BCL3: variants seen among roughly 807,000 people sequenced by gnomAD.
BCL3 encodes the protein B-cell lymphoma 3 protein.
In BCL3, 15 loss-of-function variants were observed where a neutral mutation model predicts 35.7. The ratio of observed to expected loss-of-function variants is 0.42; its 90% CI spans 0.28 to 0.65. The LOEUF is 0.65. Ranked by LOEUF, BCL3 falls within the 30% of genes least tolerant of loss-of-function variation. The probability of loss-of-function intolerance (pLI) is 0.22; values close to 1 mark genes in which losing one functional copy is unlikely to be tolerated. For synonymous variants in BCL3, 311 were observed against 284.3 expected (o/e 1.09, Z -0.95); for missense variants, 565 against 641.7 (o/e 0.88, Z 1.29).
Position 44,752,497 on chromosome 19 carries a change from G to A in BCL3, c.410+1117G>A, listed in dbSNP as rs112090636. Among the ~76,000 whole-genome samples the A allele has an allele frequency of 1.1e-3, 168 of 151,968 alleles. 1 individual carries two copies. Among genetic ancestry groups the A allele is most frequent in the African/African-American group, 3.8e-3 (156 of 41,428 alleles). Reference sequence around the variant, plus strand: ...GCTGAGATTACAGATGTGAGCCACCGAGCCCAGCTTACAGCTTTACTTTGC... The same window carrying A: ...GCTGAGATTACAGATGTGAGCCACCAAGCCCAGCTTACAGCTTTACTTTGC... On this transcript the variant is annotated intron_variant, in intron 2 of 8. Transcript: ENST00000164227.
At chr19:44,758,563 C>T (rs1050458856) in intron 7 of BCL3, 150 bp downstream of exon 7, 16 of 1,291,484 alleles carry the variant, frequency 1.2e-5, no homozygotes, top group Admixed American at 8.9e-5. Context: ...GGTGTGAGTT[C>T]CAGAAATGAG....
chr19:44,758,241 C>T lies in BCL3; in HGVS notation c.892-5C>T. ...CCCTCCTGACCCGGCCCTCCCGTCC[C>T]GCAGCACGGCGCCAACGTGAACGCG... On this transcript the variant is annotated splice_polypyrimidine_tract_variant and splice_region_variant and intron_variant, in intron 6 of 8. Coordinates refer to ENST00000164227, the MANE Select transcript of BCL3 (RefSeq NM_005178.5). 1.4e-6 allele frequency: 2 copies of T among 1,480,956 alleles called. No individual in the cohort carries two copies. Among genetic ancestry groups the T allele is most frequent in the Non-Finnish European group, 1.8e-6 (2 of 1,125,514 alleles). The allele number at this position is 1,480,956 out of a possible 1,614,324, so 91.7% of individuals were successfully genotyped here.
intron 1 of BCL3, among the ~76,000 whole-genome samples, chr19:44,750,737 C>G (rs921818807): frequency 3.3e-5 from 5 of 152,044 alleles, no homozygotes; most frequent in African/African-American, 9.7e-5. Context: ...GGGGCAAGAT[C>G]GTGCCACTGC....
At chr19:44,756,560 C>G (rs1454716515) in intron 3 of BCL3, among the ~76,000 whole-genome samples, 2 of 131,590 alleles carry the variant, frequency 1.5e-5, no homozygotes, top group Non-Finnish European at 3.2e-5. Context: ...GTCCTGGGCT[C>G]CTGAGTCTGA....
Position 44,749,010 on chromosome 19 carries a change from C to A in BCL3, c.220C>A (p.His74Asn), listed in dbSNP as rs1400492942. 1.4e-6 allele frequency: 2 copies of A among 1,384,780 alleles called. No homozygotes were observed. Among genetic ancestry groups the A allele is most frequent in the Non-Finnish European group, 1.9e-6 (2 of 1,068,280 alleles). The allele number at this position is 1,384,780 out of a possible 1,614,324, so 85.8% of individuals were successfully genotyped here. ...CDLPAVPGPPHGLARPEALYY... is the reference protein window; with the variant it reads ...CDLPAVPGPPNGLARPEALYY... The stretch of plus-strand genomic sequence containing the variant: ...CCTGCCGGCGGTCCCCGGGCCCCCC[C>A]ACGGCCTGGCCCGGCCGGAGGCGCT... The change falls in exon 1 of 9, where the codon CAC becomes AAC. Residue 74 changes from histidine to asparagine, a missense_variant. Transcript: ENST00000164227.
Position 44,752,089 on chromosome 19 carries a change from C to A in BCL3, c.410+709C>A, listed in dbSNP as rs529708286. On this transcript the variant is annotated intron_variant, in intron 2 of 8. Transcript: ENST00000164227. ...TTATCTCAAACCCAGCACACACACA[C>A]ACACACACACACACACACACAAACT... Among the ~76,000 whole-genome samples, 8 of 150,144 alleles carry A rather than the reference C, an allele frequency of 5.3e-5. No individual in the cohort carries two copies. In the South Asian group the frequency reaches 1.7e-3, roughly 31 times the overall value.
intron 2 of BCL3, among the ~76,000 whole-genome samples, chr19:44,753,359 C>T (rs1241913440): frequency 6.6e-6 from 1 of 152,210 alleles, no homozygotes; most frequent in Non-Finnish European, 1.5e-5. Flanking sequence ...GGCCACCCGG[C>T]CCACCAGTCT....
chr19:44,757,557 G>A lies in BCL3; in HGVS notation c.814-89G>A. ...AGTATCAGACCCAAGAGAGAGGCTG[G>A]ACCCCGCGAATGGGATGTGGACGGG... On this transcript the variant is annotated intron_variant, in intron 5 of 8. Transcript: ENST00000164227. This position sits in a 1 kb window ranked among gnomAD's most constrained non-coding sequence, Gnocchi z 8.4. 1 of 1,546,484 alleles carries A rather than the reference G, an allele frequency of 6.5e-7. No homozygotes were observed. Among genetic ancestry groups the A allele is most frequent in the Non-Finnish European group, 8.9e-7 (1 of 1,124,394 alleles).
chr19:44,757,478 G>C lies in BCL3; in HGVS notation c.813+63G>C, dbSNP rs1599843074. On this transcript the variant is annotated intron_variant, in intron 5 of 8. Coordinates refer to ENST00000164227, the MANE Select transcript of BCL3 (RefSeq NM_005178.5). This position sits in a 1 kb window ranked among gnomAD's most constrained non-coding sequence, Gnocchi z 8.4. ...TAGCAGGGGCGGGGTCTTGGCGGGG[G>C]CGGGGCCAGTGTGGGGCTGGCGTGG... The C allele has an allele frequency of 1.3e-6, 2 of 1,481,770 alleles. No individual in the cohort carries two copies. Among genetic ancestry groups the C allele is most frequent in the East Asian group, 2.5e-5 (1 of 40,296 alleles). The allele number at this position is 1,481,770 out of a possible 1,614,324, so 91.8% of individuals were successfully genotyped here.
At chr19:44,751,516 C>T (rs1394398404) in intron 2 of BCL3, 136 bp downstream of exon 2, 6 of 885,358 alleles carry the variant, frequency 6.8e-6, no homozygotes, top group Middle Eastern at 2.5e-4. Context: ...GAGTAAGGCC[C>T]TTCCCTGCTC....
rs372259351 is a variant in BCL3 at position 44,756,350 on chromosome 19, G to T, written c.519+10G>T. The stretch of plus-strand genomic sequence containing the variant: ...CAACAACCTACGGCAGGTGAGGCTC[G>T]GTCTGAGGGAGGAGGGCTGGGGCCT... On this transcript the variant is annotated intron_variant, in intron 3 of 8. Coordinates refer to ENST00000164227, the MANE Select transcript of BCL3 (RefSeq NM_005178.5). 1.4e-6 allele frequency: 2 copies of T among 1,468,790 alleles called. No individual in the cohort carries two copies. The highest frequency in any genetic ancestry group is 9.1e-7 in the Non-Finnish European group (1 of 1,100,402). 91.0% of individuals were successfully genotyped at this position (1,468,790 alleles called of 1,614,324 possible). A position where few individuals can be genotyped will look rare whatever the true frequency, so the allele number is the denominator to read the frequency against.
chr19:44,748,056 G>C (rs1330912358), upstream of BCL3: 13 of 1,343,960 alleles, frequency 9.7e-6, no homozygotes, highest in Non-Finnish European at 1.3e-5. Context: ...CCTGCCCCGG[G>C]TGCGTCTCTT....
At chr19:44,756,522 G>A in intron 3 of BCL3, among the ~76,000 whole-genome samples, 182 bp downstream of exon 3, 1 of 147,102 alleles carries the variant, frequency 6.8e-6, no homozygotes, top group African/African-American at 2.6e-5. Context: ...GCGGGCCTGG[G>A]ATCCGGGGTC....
rs748330939 is a variant in BCL3, at chr19:44,758,310, G to A, written c.956G>A (p.Arg319His). The change falls in exon 7 of 9, where the codon CGC becomes CAC. Residue 319 changes from arginine (R) to histidine (H), a missense_variant. Coordinates refer to ENST00000164227, the MANE Select transcript of BCL3 (RefSeq NM_005178.5). ...GSSALHSASG[R>H]GLLPLVRTLV... Reference sequence around the variant, plus strand: ...TCCGCCCTGCACTCAGCGTCCGGCCGCGGGCTCCTCCCGCTGGTGCGCACG... The same window carrying A: ...TCCGCCCTGCACTCAGCGTCCGGCCACGGGCTCCTCCCGCTGGTGCGCACG... 1 of 1,569,192 alleles carries A rather than the reference G, an allele frequency of 6.4e-7. No homozygotes were observed. The highest frequency in any genetic ancestry group is 2.3e-5 in the East Asian group (1 of 43,858).
At chr19:44,758,528 G>A (rs894925970) in intron 7 of BCL3, 115 bp downstream of exon 7, 4 of 1,409,812 alleles carry the variant, frequency 2.8e-6, no homozygotes, top group Non-Finnish European at 3.8e-6. Context: ...GCGTGGAGGG[G>A]AGTGGGTGAG....
At chr19:44,749,293 G>GA (rs892580793) in intron 1 of BCL3, among the ~76,000 whole-genome samples, 4 of 150,320 alleles carry the variant, frequency 2.7e-5, no homozygotes, top group African/African-American at 7.3e-5. Flanking sequence ...GTGGGGGGGG[G>GA]GGGGCCAGGG....
intron 1 of BCL3, among the ~76,000 whole-genome samples, chr19:44,749,786 A>G (rs775537320): frequency 6.6e-6 from 1 of 152,056 alleles, no homozygotes; most frequent in Non-Finnish European, 1.5e-5. Context: ...GGATCAGGGG[A>G]CTGAGGATCC....
At chr19:44,748,221 T>C (rs1250684646), upstream of BCL3, 2 of 516,832 alleles carry the variant, frequency 3.9e-6, no homozygotes, top group Non-Finnish European at 6.4e-6. Context: ...GGCAGAGAGA[T>C]GGTGACAGAC....
chr19:44,747,711 C>T (rs1400514112), upstream of BCL3: 3 of 618,356 alleles, frequency 4.9e-6, no homozygotes, highest in Non-Finnish European at 6.4e-6. Flanking sequence ...AGCCAAACTG[C>T]TCCCCGCTCC....
Sources: gnomAD v4.1 joint callset for allele counts (sites outside exome capture counted in the v4.1 genomes callset) on GRCh38, gnomAD v4.1.1 for gene constraint, Gnocchi (gnomAD v3.1) non-coding constraint, MANE v1.5 for transcripts, NCBI Gene and HGNC (gene_info 2026-07-23, HGNC 2026-07-21) for gene names.